GIPC2: variants seen among roughly 807,000 people sequenced by gnomAD.
GIPC2 encodes the protein PDZ domain-containing protein GIPC2.
In GIPC2, 30 loss-of-function variants were observed where a neutral mutation model predicts 30.6. The observed-to-expected ratio is 0.98, with a 90% CI of 0.73 to 1.33. The LOEUF (loss-of-function observed/expected upper bound fraction) is 1.33, where lower values mean the gene tolerates loss of function less well. Ranked by LOEUF, GIPC2 falls within the 40% of genes most tolerant of loss-of-function variation. The pLI is 0.00. For synonymous variants in GIPC2, 167 were observed against 150.0 expected (o/e 1.11, Z -0.83); for missense variants, 414 against 390.3 (o/e 1.06, Z -0.51).
intron 3 of GIPC2, among the ~76,000 whole-genome samples, chr1:78,113,459 C>G (rs1662509469): frequency 6.6e-6 from 1 of 151,278 alleles, no homozygotes; most frequent in African/African-American, 2.4e-5. Flanking sequence ...GTGATCACAG[C>G]TTACTGCAGC....
intron 1 of GIPC2, among the ~76,000 whole-genome samples, chr1:78,056,716 C>A (rs993997514): frequency 1.3e-5 from 2 of 152,172 alleles, no homozygotes; most frequent in Non-Finnish European, 2.9e-5. Flanking sequence ...AGGAGATAGA[C>A]TTTATCAGCC....
chr1:78,095,187 C>T, intron 3 of GIPC2, 55 bp downstream of exon 3: 1 of 1,234,906 alleles, frequency 8.1e-7, no homozygotes, highest in Non-Finnish European at 1.2e-6. Flanking sequence ...CCTGGTTTAT[C>T]TTTCTAAGGG....
chr1:78,045,457 G>C (rs1328210350), upstream of GIPC2: 2 of 546,086 alleles, frequency 3.7e-6, no homozygotes, highest in East Asian at 1.5e-4. Flanking sequence ...CTTTGGAGGC[G>C]TGCTGAATGT....
chr1:78,100,680 A>G (rs1049663271), intron 3 of GIPC2, among the ~76,000 whole-genome samples: 3 of 152,170 alleles, frequency 2.0e-5, no homozygotes. Context: ...CTATAATCCC[A>G]GCCCTTTGGG....
chr1:78,127,832 G>C (rs145585660), intron 5 of GIPC2, among the ~76,000 whole-genome samples: 2 of 152,166 alleles, frequency 1.3e-5, no homozygotes, highest in African/African-American at 4.8e-5. Context: ...TAGGACCACA[G>C]GTGTGTGCCT....
intron 5 of GIPC2, among the ~76,000 whole-genome samples, chr1:78,128,161 A>T (rs929418571): frequency 6.6e-6 from 1 of 152,108 alleles, no homozygotes; most frequent in African/African-American, 2.4e-5. Context: ...AATGTCTGAG[A>T]ACTTCTCTTT....
At chr1:78,093,444 T>C (rs1662078409) in intron 2 of GIPC2, among the ~76,000 whole-genome samples, 1 of 152,218 alleles carries the variant, frequency 6.6e-6, no homozygotes, top group Non-Finnish European at 1.5e-5. Flanking sequence ...ATTGTGACAT[T>C]TGCATATAGC....
intron 1 of GIPC2, among the ~76,000 whole-genome samples, chr1:78,072,888 T>C (rs1661648545): frequency 6.6e-6 from 1 of 151,972 alleles, no homozygotes; most frequent in South Asian, 2.1e-4. Context: ...CACTGCAAGC[T>C]CTGCCTCCCG....
intron 1 of GIPC2, among the ~76,000 whole-genome samples, chr1:78,073,590 C>T (rs1661662308): frequency 6.6e-6 from 1 of 152,016 alleles, no homozygotes. Flanking sequence ...TGCATAAGCC[C>T]ATAATTTGTT....
chr1:78,100,822 C>T (rs78251821), intron 3 of GIPC2, among the ~76,000 whole-genome samples: 2 of 151,190 alleles, frequency 1.3e-5, no homozygotes, highest in South Asian at 2.1e-4. Flanking sequence ...CTCAGTTGCT[C>T]GGGAGGCTGA....
chr1:78,080,742 T>C lies in GIPC2; in HGVS notation c.308T>C (p.Leu103Pro), dbSNP rs1400477751. The C allele has an allele frequency of 6.2e-7, 1 of 1,608,450 alleles. No individual in the cohort carries two copies. The highest frequency in any genetic ancestry group is 1.1e-5 in the South Asian group (1 of 90,962). ...AGACTCTTAGGAGGACAACTAGGAC[T>C]AGAAGATTTCATATTTGCCCATGTG... ...MERLLGGQLG[L>P]EDFIFAHVKG... is the part of the protein sequence containing the mutation. The change falls in exon 2 of 6, where the codon CTA becomes CCA. Residue 103 changes from leucine (L) to proline (P), a missense_variant. By Grantham distance (98) the Leu-to-Pro change is moderately conservative. Transcript: ENST00000370759.
chr1:78,068,035 T>G (rs1168842720), intron 1 of GIPC2, among the ~76,000 whole-genome samples: 1 of 152,170 alleles, frequency 6.6e-6, no homozygotes, highest in Non-Finnish European at 1.5e-5. Flanking sequence ...GCAATTTCAG[T>G]CAACTAAGTT....
At chr1:78,100,927 CAA>C (rs111747897) in intron 3 of GIPC2, among the ~76,000 whole-genome samples, 2 of 98,536 alleles carry the variant, frequency 2.0e-5, no homozygotes, top group Admixed American at 1.1e-4. Context: ...GAGACCCTGT[CAA>C]AAAAAAAAAA....
At chr1:78,124,154 A>C (rs1662737782) in intron 4 of GIPC2, among the ~76,000 whole-genome samples, 1 of 152,226 alleles carries the variant, frequency 6.6e-6, no homozygotes, top group Non-Finnish European at 1.5e-5. Flanking sequence ...ATTTTCAGCT[A>C]TGATGCCATT....
chr1:78,104,579 G>A (rs2100397741), intron 3 of GIPC2, among the ~76,000 whole-genome samples: 1 of 152,234 alleles, frequency 6.6e-6, no homozygotes, highest in East Asian at 1.9e-4. Context: ...GGCAGCAGTG[G>A]GAATTCAAAG....
intron 4 of GIPC2, among the ~76,000 whole-genome samples, chr1:78,125,429 A>G (rs138932430): frequency 9.7e-4 from 148 of 151,802 alleles, no homozygotes; most frequent in African/African-American, 3.4e-3. Flanking sequence ...GGCTGAAGCA[A>G]CTCTCCCACC....
Position 78,137,188 on chromosome 1 carries a change from G to A in GIPC2, c.*1445G>A, listed in dbSNP as rs545927220. 1.2e-4 allele frequency: 18 copies of A among 152,194 alleles called. No homozygotes were observed. The highest frequency in any genetic ancestry group is 9.6e-4 in the East Asian group (5 of 5,188). 9.4% of individuals were successfully genotyped at this position (152,194 alleles called of 1,614,324 possible). On this transcript the variant is annotated 3_prime_UTR_variant, in exon 6 of 6. Coordinates refer to ENST00000370759, the MANE Select transcript of GIPC2 (RefSeq NM_017655.6). ...GTAACAAAAGTAGCTTATAGAATAT[G>A]GACTGCCTTATTGCTGTTGCTTATC... is the stretch of plus-strand genomic sequence containing the variant.
At chr1:78,058,395 A>G (rs1025359834) in intron 1 of GIPC2, among the ~76,000 whole-genome samples, 3 of 152,194 alleles carry the variant, frequency 2.0e-5, no homozygotes, top group Non-Finnish European at 4.4e-5. Context: ...TGTTTACCAA[A>G]TAGACAACCA....
At chr1:78,087,896 G>A (rs1211089160) in intron 2 of GIPC2, among the ~76,000 whole-genome samples, 2 of 151,644 alleles carry the variant, frequency 1.3e-5, no homozygotes, top group Non-Finnish European at 2.9e-5. Flanking sequence ...CATCTTTAAG[G>A]AAAGTTACCA....
Sources: gnomAD v4.1 joint callset for allele counts (sites outside exome capture counted in the v4.1 genomes callset) on GRCh38, gnomAD v4.1.1 for gene constraint, MANE v1.5 for transcripts, NCBI Gene and HGNC (gene_info 2026-07-23, HGNC 2026-07-21) for gene names.